Variants in LSAMP observed in about 807,000 individuals in gnomAD.
LSAMP encodes limbic system-associated membrane protein.
In LSAMP, 7 loss-of-function variants were observed where a neutral mutation model predicts 38.6. That is an observed-to-expected ratio of 0.18 (90% CI 0.10 to 0.34). LSAMP has a LOEUF of 0.34. LSAMP is among the 10% of genes least tolerant of loss of function. The pLI is 1.00. For synonymous variants in LSAMP, 154 were observed against 166.8 expected (o/e 0.92, Z 0.59); for missense variants, 313 against 420.0 (o/e 0.75, Z 2.23).
chr3:116,386,654 A>T (rs9833356), intron 1 of LSAMP, among the ~76,000 whole-genome samples: 23,816 of 152,012 alleles, frequency 0.16, 2,225 homozygotes, highest in African/African-American at 0.25. Context: ...CATATTTTTT[A>T]TAGAGATGGT....
At chr3:116,344,102 C>T (rs901079742) in intron 1 of LSAMP, among the ~76,000 whole-genome samples, 1 of 152,016 alleles carries the variant, frequency 6.6e-6, no homozygotes, top group African/African-American at 2.4e-5. Flanking sequence ...TAAAAACTTA[C>T]CTGGCTCCTA....
rs76262779 is a variant in LSAMP, at chr3:115,899,257, A to G, written c.515-46640T>C. Among the ~76,000 whole-genome samples the G allele has an allele frequency of 3.2e-3, 489 of 152,208 alleles. 1 individual carries two copies. The highest frequency in any genetic ancestry group is 0.011 in the African/African-American group (475 of 41,542). ...TGAGAAATGCATTTATATAGGTACAAAGCATGTGTCTCTGTGGCAGCAGGA... is the reference window on the plus strand; with the variant it reads ...TGAGAAATGCATTTATATAGGTACAGAGCATGTGTCTCTGTGGCAGCAGGA... On this transcript the variant is annotated intron_variant, in intron 3 of 6. Coordinates refer to ENST00000490035, the MANE Select transcript of LSAMP (RefSeq NM_002338.5).
chr3:116,201,093 G>A (rs996559976), intron 1 of LSAMP, among the ~76,000 whole-genome samples: 3 of 152,202 alleles, frequency 2.0e-5, no homozygotes, highest in Non-Finnish European at 2.9e-5. Context: ...TTCATCGGAT[G>A]GGTGGGTTAG....
Position 116,307,465 on chromosome 3 carries a change from T to C in LSAMP, c.155+137412A>G, listed in dbSNP as rs72950127. On this transcript the variant is annotated intron_variant, in intron 1 of 6. Transcript: ENST00000490035. The stretch of plus-strand genomic sequence containing the variant: ...CATGCTGGGTACAATTCTCAAAGCA[T>C]ATAATCCAAAATAGAGTGCATTTAG... Among the ~76,000 whole-genome samples the C allele has an allele frequency of 1.6e-3, 249 of 152,116 alleles. 2 individuals are homozygous for C. The highest frequency in any genetic ancestry group is 5.7e-3 in the African/African-American group (238 of 41,552).
chr3:116,166,784 TTTG>T (rs1710061303), intron 1 of LSAMP, among the ~76,000 whole-genome samples: 1 of 147,786 alleles, frequency 6.8e-6, no homozygotes, highest in African/African-American at 2.5e-5. Flanking sequence ...TAGTTTTTTT[TTTG>T]TTTTTTTTTT....
At chr3:116,405,738 T>C (rs2048890084) in intron 1 of LSAMP, among the ~76,000 whole-genome samples, 1 of 152,138 alleles carries the variant, frequency 6.6e-6, no homozygotes, top group South Asian at 2.1e-4. Context: ...AATTGATTAA[T>C]TATTTTTTGC....
At chr3:116,387,976 T>C (rs2116308) in intron 1 of LSAMP, among the ~76,000 whole-genome samples, 127,933 of 151,722 alleles carry the variant, frequency 0.84, 54,210 homozygotes, top group East Asian at 0.95. Flanking sequence ...TGGTGGTGGG[T>C]GCCTGTAGTC....
At chr3:116,043,351 G>A (rs1941216149) in intron 2 of LSAMP, among the ~76,000 whole-genome samples, 1 of 152,034 alleles carries the variant, frequency 6.6e-6, no homozygotes, top group African/African-American at 2.4e-5. Context: ...TAATTCTGGC[G>A]GGATAATACA....
At chr3:116,374,664 C>T (rs927835666) in intron 1 of LSAMP, among the ~76,000 whole-genome samples, 2 of 151,926 alleles carry the variant, frequency 1.3e-5, no homozygotes, top group Non-Finnish European at 2.9e-5. Context: ...AGTGAATAAT[C>T]AGTAAATCTT....
intron 2 of LSAMP, among the ~76,000 whole-genome samples, chr3:116,043,528 G>C (rs1206702074): frequency 6.6e-6 from 1 of 152,150 alleles, no homozygotes; most frequent in African/African-American, 2.4e-5. Flanking sequence ...GCATCACAGT[G>C]TGAAATGCTA....
chr3:115,950,081 G>A (rs911267117), intron 3 of LSAMP, among the ~76,000 whole-genome samples: 23 of 152,044 alleles, frequency 1.5e-4, no homozygotes, highest in Non-Finnish European at 3.4e-4. Flanking sequence ...AAAGGACATA[G>A]CTCAAGGTAA....
At chr3:116,147,632 C>T (rs532128076) in intron 1 of LSAMP, among the ~76,000 whole-genome samples, 2 of 152,020 alleles carry the variant, frequency 1.3e-5, no homozygotes, top group African/African-American at 2.4e-5. Flanking sequence ...GAACATCCAA[C>T]TCCTTACTCT....
chr3:116,155,720 G>T (rs1325766411), intron 1 of LSAMP, among the ~76,000 whole-genome samples: 1 of 150,950 alleles, frequency 6.6e-6, no homozygotes, highest in African/African-American at 2.4e-5. Context: ...TAGCCAAGAT[G>T]AAAGCTCTGT....
intron 1 of LSAMP, among the ~76,000 whole-genome samples, chr3:116,307,314 A>G (rs1361091835): frequency 6.6e-6 from 1 of 151,970 alleles, no homozygotes; most frequent in Non-Finnish European, 1.5e-5. Context: ...CAGCTGATTT[A>G]CTTTTTAAAT....
At chr3:116,425,234 C>A (rs1032108428) in intron 1 of LSAMP, among the ~76,000 whole-genome samples, 10 of 152,182 alleles carry the variant, frequency 6.6e-5, no homozygotes, top group East Asian at 1.9e-4. Flanking sequence ...TTTCATTGAC[C>A]CTTCATGTTT....
At chr3:115,841,645 G>T in intron 6 of LSAMP, 200 bp downstream of exon 6, 1 of 479,322 alleles carries the variant, frequency 2.1e-6, no homozygotes, top group African/African-American at 2.0e-5. Flanking sequence ...TCAGAAGTAA[G>T]AAAGACTATA....
chr3:116,096,902 C>T (rs1708237254), intron 1 of LSAMP, among the ~76,000 whole-genome samples: 1 of 152,182 alleles, frequency 6.6e-6, no homozygotes, highest in Non-Finnish European at 1.5e-5. Flanking sequence ...TTTTTTCTCT[C>T]CTTTGAACTA....
intron 1 of LSAMP, among the ~76,000 whole-genome samples, chr3:116,388,880 A>C (rs1354936645): frequency 6.6e-6 from 1 of 152,204 alleles, no homozygotes; most frequent in Non-Finnish European, 1.5e-5. Context: ...ACAAACAAAC[A>C]AAAAGCAACA....
intron 1 of LSAMP, among the ~76,000 whole-genome samples, chr3:116,102,312 AAC>A (rs1179457943): frequency 1.3e-5 from 2 of 152,212 alleles, no homozygotes; most frequent in Non-Finnish European, 2.9e-5. Context: ...ATTATTATAA[AAC>A]ACAATCTCAG....
Sources: gnomAD v4.1 joint callset for allele counts (sites outside exome capture counted in the v4.1 genomes callset) on GRCh38, gnomAD v4.1.1 for gene constraint, MANE v1.5 for transcripts, NCBI Gene and HGNC (gene_info 2026-07-23, HGNC 2026-07-21) for gene names.